RBX1: variants seen among roughly 807,000 people sequenced by gnomAD.
RBX1 encodes ring-box 1, also known as E3 ubiquitin-protein ligase RBX1.
For synonymous variants in RBX1, 48 were observed against 47.9 expected (o/e 1.00, Z -0.01); for missense variants, 46 against 141.4 (o/e 0.33, Z 3.42).
At chr22:40,969,873 A>T (rs1282902622) in intron 4 of RBX1, among the ~76,000 whole-genome samples, 1 of 150,600 alleles carries the variant, frequency 6.6e-6, no homozygotes, top group Non-Finnish European at 1.5e-5. Flanking sequence ...TAAATGACAG[A>T]GTGAGACCCT....
chr22:40,953,193 G>A, intron 1 of RBX1, among the ~76,000 whole-genome samples: 1 of 152,050 alleles, frequency 6.6e-6, no homozygotes, highest in Admixed American at 6.6e-5. Flanking sequence ...ATTTTGCCAT[G>A]TTGGCCAGGC....
intron 2 of RBX1, among the ~76,000 whole-genome samples, chr22:40,959,854 C>T (rs1025936597): frequency 2.6e-5 from 4 of 152,058 alleles, no homozygotes; most frequent in African/African-American, 7.2e-5. Flanking sequence ...CAGTGGCTCA[C>T]GCCTGTAATC....
At chr22:40,951,603 G>A in intron 1 of RBX1, 127 bp downstream of exon 1, 1 of 854,416 alleles carries the variant, frequency 1.2e-6, no homozygotes, top group Non-Finnish European at 1.8e-6. Context: ...CGGGTACCAC[G>A]AAAGGAAGCC....
chr22:40,963,082 C>T (rs953576337), intron 2 of RBX1, among the ~76,000 whole-genome samples: 5 of 150,366 alleles, frequency 3.3e-5, no homozygotes, highest in African/African-American at 7.3e-5. Flanking sequence ...CCTCGTGATC[C>T]GCCTGCCTCA....
intron 2 of RBX1, among the ~76,000 whole-genome samples, chr22:40,960,762 T>G (rs879702740): frequency 2.0e-5 from 3 of 152,042 alleles, no homozygotes; most frequent in Admixed American, 2.0e-4. Flanking sequence ...CTAGATCCCT[T>G]TTTTGTTTGT....
At chr22:40,955,364 G>A (rs915401790) in intron 2 of RBX1, among the ~76,000 whole-genome samples, 5 of 149,302 alleles carry the variant, frequency 3.3e-5, no homozygotes, top group African/African-American at 1.2e-4. Flanking sequence ...CTTCCAAAAT[G>A]TTGCGATTAT....
intron 2 of RBX1, among the ~76,000 whole-genome samples, chr22:40,958,889 C>T (rs1280287329): frequency 2.0e-5 from 3 of 152,142 alleles, no homozygotes; most frequent in Admixed American, 6.5e-5. Flanking sequence ...TCTCGGTGCA[C>T]TGCAACCTCT....
chr22:40,960,440 C>A (rs1320618617), intron 2 of RBX1, among the ~76,000 whole-genome samples: 1 of 152,002 alleles, frequency 6.6e-6, no homozygotes, highest in African/African-American at 2.4e-5. Context: ...GGAGCATGTT[C>A]CAGGTATGGC....
chr22:40,964,363 T>C (rs2058348471), intron 3 of RBX1: 1 of 367,364 alleles, frequency 2.7e-6, no homozygotes, highest in Non-Finnish European at 5.1e-6. Context: ...GTTAGCAGTA[T>C]TTTGGGGCTT....
rs552152328 is a variant in RBX1, at chr22:40,962,807, C to T, written c.158-1240C>T. Among the ~76,000 whole-genome samples the T allele has an allele frequency of 2.6e-5, 4 of 151,816 alleles. No homozygotes were observed. In the South Asian group the frequency reaches 8.3e-4, roughly 32 times the overall value. Reference sequence around the variant, plus strand: ...TCCTGGGTTCAAGCAATTCTCCTGCCTCAGCCTCCTGAGTAGCTGGGACTA... The same window carrying T: ...TCCTGGGTTCAAGCAATTCTCCTGCTTCAGCCTCCTGAGTAGCTGGGACTA... On this transcript the variant is annotated intron_variant, in intron 2 of 4. Transcript: ENST00000216225.
intron 4 of RBX1, among the ~76,000 whole-genome samples, chr22:40,971,342 G>C (rs760119590): frequency 2.0e-5 from 3 of 152,066 alleles, no homozygotes; most frequent in Non-Finnish European, 4.4e-5. Flanking sequence ...TGTGGAATTT[G>C]GCACAACAGC....
chr22:40,965,350 C>A (rs2058351238), intron 3 of RBX1, among the ~76,000 whole-genome samples: 1 of 150,740 alleles, frequency 6.6e-6, no homozygotes, highest in Non-Finnish European at 1.5e-5. Flanking sequence ...AGAGGTGTTA[C>A]TGTGTAGATG....
chr22:40,960,983 C>T (rs1012269731), intron 2 of RBX1, among the ~76,000 whole-genome samples: 7 of 151,762 alleles, frequency 4.6e-5, no homozygotes, highest in South Asian at 2.1e-4. Context: ...AGGCTGGTCT[C>T]GAACTCCTGA....
rs1302271495 is a variant in RBX1, at chr22:40,962,635, A to G, written c.158-1412A>G. Reference sequence around the variant, plus strand: ...CTCAGCCTCCTGAATAGCTGGGACTACAGGCGCCCACCACCACACACACCT... The same window carrying G: ...CTCAGCCTCCTGAATAGCTGGGACTGCAGGCGCCCACCACCACACACACCT... On this transcript the variant is annotated intron_variant, in intron 2 of 4. Transcript: ENST00000216225. Among the ~76,000 whole-genome samples, 6 of 150,952 alleles carry G rather than the reference A, an allele frequency of 4.0e-5. No individual in the cohort carries two copies. The East Asian group carries it at 9.7e-4, about 24-fold the overall frequency.
In RBX1 at chr22:40,958,774, TTTTGGTTTGGTTTGGTTTGGTTTGG is replaced by T. The variant is rs57128854; in HGVS notation, c.157+5171_157+5195del. 6.9e-5 allele frequency among the ~76,000 whole-genome samples: 10 copies of T among 144,820 alleles called. No individual in the cohort carries two copies. In the East Asian group the frequency reaches 2.1e-3, roughly 30 times the overall value. On this transcript the variant is annotated intron_variant, in intron 2 of 4. Transcript: ENST00000216225. ...ACCTAAAACTACAGATCCATCAGTA[TTTTGGTTTGGTTTGGTTTGGTTTGG>T]TTTGGTTTGGTTTGGTTTGGTTTGG...
intron 2 of RBX1, among the ~76,000 whole-genome samples, 164 bp from the exon 3 acceptor site, chr22:40,963,883 C>T (rs1443853222): frequency 1.3e-5 from 2 of 152,188 alleles, no homozygotes; most frequent in African/African-American, 4.8e-5. Flanking sequence ...GATAGGAAAT[C>T]GTCAGAAAGC....
At chr22:40,956,487 C>CAAG (rs2058325710) in intron 2 of RBX1, among the ~76,000 whole-genome samples, 1 of 149,906 alleles carries the variant, frequency 6.7e-6, no homozygotes, top group Non-Finnish European at 1.5e-5. Context: ...GTAGCTGGGA[C>CAAG]TACAGGTGTG....
chr22:40,962,380 G>A (rs1450991332), intron 2 of RBX1, among the ~76,000 whole-genome samples: 2 of 151,752 alleles, frequency 1.3e-5, no homozygotes, highest in African/African-American at 4.8e-5. Flanking sequence ...CAACATGCCC[G>A]GCCCACTTTC....
intron 2 of RBX1, among the ~76,000 whole-genome samples, chr22:40,955,103 A>C (rs540800824): frequency 1.3e-5 from 2 of 152,078 alleles, no homozygotes; most frequent in South Asian, 4.2e-4. Flanking sequence ...TCCATTCTTA[A>C]GTGTCCATGC....
Sources: allele counts gnomAD v4.1 joint callset (sites outside exome capture counted in the v4.1 genomes callset), GRCh38; gene constraint gnomAD v4.1.1; transcripts MANE v1.5; gene names NCBI Gene and HGNC (gene_info 2026-07-23, HGNC 2026-07-21).